FIGNL1: variants seen among roughly 807,000 people sequenced by gnomAD.
The protein encoded by FIGNL1 is fidgetin like 1.
A neutral mutation model predicts 28.9 loss-of-function variants in FIGNL1; 11 were observed. That is an observed-to-expected ratio of 0.38 (90% confidence interval 0.24 to 0.63). The LOEUF (loss-of-function observed/expected upper bound fraction) is 0.63. FIGNL1 is among the 20% of genes least tolerant of loss of function. FIGNL1 has a pLI of 0.57. For missense variants in FIGNL1, 789 were observed against 810.4 expected (o/e 0.97, Z 0.32); for synonymous variants, 295 against 276.5 (o/e 1.07, Z -0.66).
At chr7:50,448,401 ATC>A (rs150795173) in intron 2 of FIGNL1, 112 bp from the exon 3 acceptor site, 3 of 152,224 alleles carry the variant, frequency 2.0e-5, no homozygotes, top group Non-Finnish European at 2.9e-5. Context: ...GCCCTAGAAT[ATC>A]TGTTTCCTAA....
chr7:50,445,497 T>C lies in FIGNL1; in HGVS notation c.1791A>G (p.Val597=). ...CLSEEEIEQI[V]QQSDAFSGAD... is the part of the protein sequence containing the mutation. The stretch of plus-strand genomic sequence containing the variant: ...CTCCTGAAAACGCATCAGACTGCTG[T>C]ACAATCTGTTCAATTTCTTCTTCAC... Residue 597 remains valine, a synonymous_variant, in exon 4 of 4, where the codon GTA becomes GTG. Transcript: ENST00000433017. 3 of 1,614,202 alleles carry C rather than the reference T, an allele frequency of 1.9e-6. No individual in the cohort carries two copies. The highest frequency in any genetic ancestry group is 2.5e-6 in the Non-Finnish European group (3 of 1,179,990).
At position 50,445,555 on chromosome 7, in the gene FIGNL1, A is replaced by C. The variant is rs1562955507; in HGVS notation, c.1733T>G (p.Ile578Ser). ...ACACTGCTCTTTGGACATTAGATTAATTACTATCTGTTTCCTGGCTGAAGC... is the reference window on the plus strand; with the variant it reads ...ACACTGCTCTTTGGACATTAGATTACTTACTATCTGTTTCCTGGCTGAAGC... ...PEASARKQIVINLMSKEQCCL... is the reference protein window; with the variant it reads ...PEASARKQIVSNLMSKEQCCL... Residue 578 changes from isoleucine (I) to serine (S), a missense_variant, in exon 4 of 4, where the codon ATT (isoleucine) becomes AGT (serine). Ile to Ser is a moderately radical substitution (Grantham distance 142, BLOSUM62 -2). Transcript: ENST00000433017. The C allele has an allele frequency of 6.2e-7, 1 of 1,614,218 alleles. No individual in the cohort carries two copies. Among genetic ancestry groups the C allele is most frequent in the Non-Finnish European group, 8.5e-7 (1 of 1,180,038 alleles).
In FIGNL1 at chr7:50,445,880, A is replaced by G; in HGVS notation, c.1408T>C (p.Leu470=). Residue 470 remains leucine (L), a synonymous_variant, in exon 4 of 4, where the codon TTA becomes CTA. Transcript: ENST00000433017. ...CCCTCACCTACCCATTTAGAAGTTA[A>G]GGATGAAGCAGAGATGCTAAAGAAT... is the stretch of plus-strand genomic sequence containing the variant. The part of the protein sequence containing the change: ...ATFFSISASS[L]TSKWVGEGEK... 1 of 1,614,154 alleles carries G rather than the reference A, an allele frequency of 6.2e-7. No individual in the cohort carries two copies. The highest frequency in any genetic ancestry group is 1.3e-5 in the African/African-American group (1 of 75,068).
At position 50,447,130 on chromosome 7, in the gene FIGNL1, A is replaced by G; in HGVS notation, c.158T>C (p.Val53Ala). The change falls in exon 4 of 4, where the codon GTC becomes GCC. Residue 53 changes from valine to alanine, a missense_variant. Val to Ala is a moderately conservative substitution (Grantham distance 64). Coordinates refer to ENST00000433017, the MANE Select transcript of FIGNL1 (RefSeq NM_001287492.4). ...YAWANSEISQVCATKLFKKYA... is the reference protein window; with the variant it reads ...YAWANSEISQACATKLFKKYA... ...TTTTTTGAACAGTTTGGTAGCACAG[A>G]CCTGGGAAATCTCAGAGTTTGCCCA... The G allele has an allele frequency of 6.2e-7, 1 of 1,614,204 alleles. No individual in the cohort carries two copies. The highest frequency in any genetic ancestry group is 8.5e-7 in the Non-Finnish European group (1 of 1,180,050).
At position 50,447,202 on chromosome 7, in the gene FIGNL1, G is replaced by C. The variant is rs781103365; in HGVS notation, c.86C>G (p.Pro29Arg). 1.1e-4 allele frequency: 170 copies of C among 1,613,794 alleles called. No homozygotes were observed. Among genetic ancestry groups the C allele is most frequent in the Non-Finnish European group, 1.4e-4 (163 of 1,179,870 alleles). ...FAITSGICTG[P>R]KADAYRAQIL... ...CTGTGCACGGTATGCATCTGCCTTC[G>C]GTCCGGTACATATGCCAGATGTAAT... The change falls in exon 4 of 4, where the codon CCG (proline) becomes CGG (arginine). Residue 29 changes from proline (P) to arginine (R), a missense_variant. Pro to Arg is a moderately radical substitution (Grantham distance 103, BLOSUM62 -2). Transcript: ENST00000433017.
rs748242796 is a variant in FIGNL1, at chr7:50,445,213, A to G, written c.*50T>C. The G allele has an allele frequency of 4.1e-6, 5 of 1,206,818 alleles. No homozygotes were observed. The Admixed American group carries it at 1.4e-4, about 33-fold the overall frequency. 74.8% of individuals were successfully genotyped at this position (1,206,818 alleles called of 1,614,324 possible). On this transcript the variant is annotated 3_prime_UTR_variant, in exon 4 of 4. Coordinates refer to ENST00000433017, the MANE Select transcript of FIGNL1 (RefSeq NM_001287492.4). The stretch of plus-strand genomic sequence containing the variant: ...ACACATCCCCAACTTTCTATGCTAA[A>G]AAATAAAGAAGACTGTACTACAGAG...
chr7:50,445,561 A>C lies in FIGNL1; in HGVS notation c.1727T>G (p.Ile576Arg), dbSNP rs1215479364. The change falls in exon 4 of 4, where the codon ATA (isoleucine) becomes AGA (arginine). Residue 576 changes from isoleucine to arginine, a missense_variant. Coordinates refer to ENST00000433017, the MANE Select transcript of FIGNL1 (RefSeq NM_001287492.4). ...CTCTTTGGACATTAGATTAATTACT[A>C]TCTGTTTCCTGGCTGAAGCTTCTGG... is the stretch of plus-strand genomic sequence containing the variant. ...PLPEASARKQ[I>R]VINLMSKEQC... 1.9e-6 allele frequency: 3 copies of C among 1,614,022 alleles called. No homozygotes were observed. Among genetic ancestry groups the C allele is most frequent in the Admixed American group, 1.7e-5 (1 of 60,004 alleles).
intron 3 of FIGNL1, among the ~76,000 whole-genome samples, chr7:50,447,627 T>C (rs1821235608): frequency 6.6e-6 from 1 of 152,188 alleles, no homozygotes; most frequent in African/African-American, 2.4e-5. Flanking sequence ...AATGGAACTA[T>C]AGATACATAA....
intron 3 of FIGNL1, among the ~76,000 whole-genome samples, chr7:50,447,795 G>GT (rs1821293659): frequency 6.6e-6 from 1 of 152,160 alleles, no homozygotes; most frequent in Non-Finnish European, 1.5e-5. Context: ...CTGGAGGGCA[G>GT]TGGCGCTCTC....
In FIGNL1 at chr7:50,445,592, G is replaced by C. The variant is rs1029713336; in HGVS notation, c.1696C>G (p.Pro566Ala). ...TTCCTGGCTGAAGCTTCTGGGAGGG[G>C]AATATAAAGCCTTTTCACCAATCTT... is the stretch of plus-strand genomic sequence containing the variant. ...RRRLVKRLYI[P>A]LPEASARKQI... Residue 566 changes from proline to alanine, a missense_variant, in exon 4 of 4, where the codon CCC (proline) becomes GCC (alanine). Transcript: ENST00000433017. 6 of 1,614,018 alleles carry C rather than the reference G, an allele frequency of 3.7e-6. No individual in the cohort carries two copies. Among genetic ancestry groups the C allele is most frequent in the African/African-American group, 1.3e-5 (1 of 74,902 alleles).
chr7:50,450,114 C>G (rs1323471881), intron 1 of FIGNL1, 187 bp downstream of exon 1: 1 of 152,396 alleles, frequency 6.6e-6, no homozygotes, highest in Non-Finnish European at 1.5e-5. Flanking sequence ...GCCACCCTCC[C>G]GCTAAGACAG....
chr7:50,445,691 T>C lies in FIGNL1; in HGVS notation c.1597A>G (p.Thr533Ala), dbSNP rs1228922117. ...EFLVQLDGATTSSEDRILVVG... is the reference protein window; with the variant it reads ...EFLVQLDGATASSEDRILVVG... ...ACTAGGATACGATCTTCAGAAGATGTTGTTGCTCCATCTAATTGAACTAAA... is the reference window on the plus strand; with the variant it reads ...ACTAGGATACGATCTTCAGAAGATGCTGTTGCTCCATCTAATTGAACTAAA... The change falls in exon 4 of 4, where the codon ACA (threonine) becomes GCA (alanine). Residue 533 changes from threonine (T) to alanine (A), a missense_variant. Thr to Ala is a moderately conservative substitution (Grantham distance 58, BLOSUM62 0). Coordinates refer to ENST00000433017, the MANE Select transcript of FIGNL1 (RefSeq NM_001287492.4). The C allele has an allele frequency of 3.1e-5, 50 of 1,614,040 alleles. No homozygotes were observed. The highest frequency in any genetic ancestry group is 4.1e-5 in the Non-Finnish European group (48 of 1,180,048).
chr7:50,448,935 T>C (rs1009421743), intron 2 of FIGNL1, 183 bp downstream of exon 2: 1 of 152,230 alleles, frequency 6.6e-6, no homozygotes, highest in Non-Finnish European at 1.5e-5. Context: ...AAGCAGTTCA[T>C]CCTTTTTTTC....
Position 50,445,535 on chromosome 7 carries a change from G to T in FIGNL1, c.1753C>A (p.Gln585Lys), listed in dbSNP as rs1436592471. 1 of 1,614,072 alleles carries T rather than the reference G, an allele frequency of 6.2e-7. No homozygotes were observed. Reference protein sequence around the residue: ...QIVINLMSKEQCCLSEEEIEQ... With the variant: ...QIVINLMSKEKCCLSEEEIEQ... The stretch of plus-strand genomic sequence containing the variant: ...ATTTCTTCTTCACTGAGGCAACACT[G>T]CTCTTTGGACATTAGATTAATTACT... The change falls in exon 4 of 4, where the codon CAG becomes AAG. Residue 585 changes from glutamine to lysine, a missense_variant. Transcript: ENST00000433017.
intron 2 of FIGNL1, chr7:50,448,868 T>C (rs994650012): frequency 6.6e-6 from 1 of 152,242 alleles, no homozygotes; most frequent in Non-Finnish European, 1.5e-5. Flanking sequence ...CTGTAATTTA[T>C]TTAAAGCTGT....
In FIGNL1 at chr7:50,445,495, T is replaced by C. The variant is rs1055430682; in HGVS notation, c.1793A>G (p.Gln598Arg). 1 of 1,614,186 alleles carries C rather than the reference T, an allele frequency of 6.2e-7. No individual in the cohort carries two copies. The highest frequency in any genetic ancestry group is 8.5e-7 in the Non-Finnish European group (1 of 1,179,990). ...TGCTCCTGAAAACGCATCAGACTGC[T>C]GTACAATCTGTTCAATTTCTTCTTC... ...LSEEEIEQIV[Q>R]QSDAFSGADM... The change falls in exon 4 of 4, where the codon CAG (glutamine) becomes CGG (arginine). Residue 598 changes from glutamine (Q) to arginine (R), a missense_variant. By Grantham distance (43) the Gln-to-Arg change is conservative. Transcript: ENST00000433017.
rs143840437 is a variant in FIGNL1, at chr7:50,444,376, G to C, written c.*887C>G. 6.4e-4 allele frequency: 97 copies of C among 152,268 alleles called. No individual in the cohort carries two copies. The highest frequency in any genetic ancestry group is 1.3e-3 in the Non-Finnish European group (86 of 68,016). 9.4% of individuals were successfully genotyped at this position (152,268 alleles called of 1,614,324 possible). Reference sequence around the variant, plus strand: ...AAGTGAAGATACGCTTTGAAGAATAGGCTACAAGAGAGAATACATTACACA... The same window carrying C: ...AAGTGAAGATACGCTTTGAAGAATACGCTACAAGAGAGAATACATTACACA... On this transcript the variant is annotated 3_prime_UTR_variant, in exon 4 of 4. Transcript: ENST00000433017.
Position 50,445,649 on chromosome 7 carries a change from G to T in FIGNL1, c.1639C>A (p.Arg547=), listed in dbSNP as rs148546983. 4.7e-4 allele frequency: 761 copies of T among 1,613,966 alleles called. 1 individual carries two copies. Among genetic ancestry groups the T allele is most frequent in the Middle Eastern group, 6.6e-4 (4 of 6,062 alleles). Reference sequence around the variant, plus strand: ...GCAGCCTCATCAATTTCTTGTGGCCGATTTGTTGCTCCCACCACTAGGATA... The same window carrying T: ...GCAGCCTCATCAATTTCTTGTGGCCTATTTGTTGCTCCCACCACTAGGATA... ...DRILVVGATN[R]PQEIDEAARR... The change falls in exon 4 of 4, where the codon CGG becomes AGG. Residue 547 remains arginine, a synonymous_variant. Transcript: ENST00000433017.
In FIGNL1 at chr7:50,445,313, C is replaced by G. The variant is rs1471477815; in HGVS notation, c.1975G>C (p.Asp659His). ...TTCCAGTTTTCATAAAGCTCTAAAT[C>G]TTTTGGAGAAACACTAGGTCGCACA... Reference protein sequence around the residue: ...RTVRPSVSPKDLELYENWNKT... With the variant: ...RTVRPSVSPKHLELYENWNKT... Residue 659 changes from aspartate to histidine, a missense_variant, in exon 4 of 4, where the codon GAT becomes CAT. Physicochemically the swap from Asp to His is moderately conservative, Grantham distance 81 (BLOSUM62 -1). Transcript: ENST00000433017. 1 of 1,594,166 alleles carries G rather than the reference C, an allele frequency of 6.3e-7. No homozygotes were observed. The highest frequency in any genetic ancestry group is 1.8e-5 in the Admixed American group (1 of 54,664).
Sources: gnomAD v4.1 joint callset for allele counts (sites outside exome capture counted in the v4.1 genomes callset) on GRCh38, gnomAD v4.1.1 for gene constraint, MANE v1.5 for transcripts, NCBI Gene and HGNC (gene_info 2026-07-23, HGNC 2026-07-21) for gene names.